FKBP1B: variants seen among roughly 807,000 people sequenced by gnomAD.
FKBP1B encodes the protein peptidyl-prolyl cis-trans isomerase FKBP1B.
In FKBP1B, 4 loss-of-function variants were observed where a neutral mutation model predicts 13.5. The ratio of observed to expected loss-of-function variants is 0.30; its 90% CI spans 0.15 to 0.68. The LOEUF (loss-of-function observed/expected upper bound fraction) is 0.68. Among genes scored for constraint, FKBP1B ranks in the 30% least tolerant of loss-of-function variants. The pLI is 0.76. For missense variants in FKBP1B, 93 were observed against 136.2 expected (o/e 0.68, Z 1.58); for synonymous variants, 54 against 53.6 (o/e 1.01, Z -0.03).
chr2:24,035,686 AGG>A, the FKBP1B span, among the ~76,000 whole-genome samples: 2 of 152,056 alleles, frequency 1.3e-5, no homozygotes, highest in African/African-American at 2.4e-5. Context: ...AGGCTGAAGC[AGG>A]AGGACTGCTT....
chr2:24,041,542 T>A, the FKBP1B span, among the ~76,000 whole-genome samples: 3 of 152,046 alleles, frequency 2.0e-5, no homozygotes. Context: ...TAGCCAGGCA[T>A]GGTGGCTCAT....
chr2:24,053,370 C>G (rs1012196625), intron 1 of FKBP1B, among the ~76,000 whole-genome samples: 16 of 149,250 alleles, frequency 1.1e-4, no homozygotes, highest in African/African-American at 4.0e-4. Flanking sequence ...CTCAAGTGAT[C>G]CTCCCACCTC....
rs1664360564 is a variant in FKBP1B at position 24,060,917 on chromosome 2, T to C, written c.189T>C (p.Gly63=). 1 of 1,613,370 alleles carries C rather than the reference T, an allele frequency of 6.2e-7. No homozygotes were observed. Among genetic ancestry groups the C allele is most frequent in the Non-Finnish European group, 8.5e-7 (1 of 1,179,434 alleles). The change falls in exon 3 of 4, where the codon GGT becomes GGC. Residue 63 remains glycine, a synonymous_variant. Transcript: ENST00000380986. ...KQEVIKGFEE[G]AAQMSLGQRA... ...AAGTCATCAAAGGTTTTGAAGAGGG[T>C]GCAGCCCAGGTAGGATGAGGATTCG...
Position 24,063,136 on chromosome 2 carries a change from G to T in FKBP1B, c.271G>T (p.Val91Phe). The T allele has an allele frequency of 6.2e-7, 1 of 1,613,380 alleles. No homozygotes were observed. The highest frequency in any genetic ancestry group is 8.5e-7 in the Non-Finnish European group (1 of 1,179,656). ...VAYGATGHPGVIPPNATLIFD... is the reference protein window; with the variant it reads ...VAYGATGHPGFIPPNATLIFD... ...ATATGGAGCCACGGGCCACCCCGGT[G>T]TCATCCCTCCCAATGCCACCCTCAT... Residue 91 changes from valine to phenylalanine, a missense_variant, in exon 4 of 4, where the codon GTC becomes TTC. Physicochemically the swap from Val to Phe is conservative, Grantham distance 50. Transcript: ENST00000380986.
chr2:24,039,627 A>C, the FKBP1B span: 1 of 835,892 alleles, frequency 1.2e-6, no homozygotes, highest in Admixed American at 2.8e-5. Context: ...GTGGAGAGAC[A>C]AAAGGACAGG....
chr2:24,048,072 C>A (rs1663689193), upstream of FKBP1B, among the ~76,000 whole-genome samples: 1 of 152,214 alleles, frequency 6.6e-6, no homozygotes, highest in African/African-American at 2.4e-5. Context: ...ACCCTTGGGG[C>A]TCATTCTGGA....
Position 24,063,567 on chromosome 2 carries a change from G to T in FKBP1B, c.*375G>T, listed in dbSNP as rs1664500380. The stretch of plus-strand genomic sequence containing the variant: ...TGTACATGGCGTACCGTACACAGAG[G>T]GACTTGAGCCAGTTACCTTTGCTGT... On this transcript the variant is annotated 3_prime_UTR_variant, in exon 4 of 4. Coordinates refer to ENST00000380986, the MANE Select transcript of FKBP1B (RefSeq NM_004116.5). The T allele has an allele frequency of 4.1e-6, 1 of 244,714 alleles. No homozygotes were observed. The highest frequency in any genetic ancestry group is 2.2e-5 in the African/African-American group (1 of 45,782). The allele number at this position is 244,714 out of a possible 1,614,324, so 15.2% of individuals were successfully genotyped here.
rs753865733 is a variant in FKBP1B at position 24,063,069 on chromosome 2, C to G, written c.204C>G (p.Ser68Arg). 1 of 1,614,204 alleles carries G rather than the reference C, an allele frequency of 6.2e-7. No individual in the cohort carries two copies. Among genetic ancestry groups the G allele is most frequent in the East Asian group, 2.2e-5 (1 of 44,882 alleles). Residue 68 changes from serine (S) to arginine (R), a missense_variant, in exon 4 of 4, where the codon AGC becomes AGG. Coordinates refer to ENST00000380986, the MANE Select transcript of FKBP1B (RefSeq NM_004116.5). ...TCTGCCCCCATCCCTGCTAGATGAG[C>G]TTGGGGCAGAGGGCGAAGCTGACCT... is the stretch of plus-strand genomic sequence containing the variant. The part of the protein sequence containing the change: ...KGFEEGAAQM[S>R]LGQRAKLTCT...
chr2:24,042,467 CAG>C, the FKBP1B span, among the ~76,000 whole-genome samples: 1 of 142,384 alleles, frequency 7.0e-6, no homozygotes, highest in Admixed American at 7.5e-5. Context: ...ACCCTGGAGG[CAG>C]AGGTTGCAGT....
chr2:24,058,576 G>A (rs1040654798), intron 2 of FKBP1B, among the ~76,000 whole-genome samples: 2 of 152,226 alleles, frequency 1.3e-5, no homozygotes, highest in Non-Finnish European at 2.9e-5. Flanking sequence ...ACTAAGGAAT[G>A]AGAAAGGAAA....
chr2:24,045,642 G>A (rs1260623292), upstream of FKBP1B, among the ~76,000 whole-genome samples: 1 of 138,190 alleles, frequency 7.2e-6, no homozygotes, highest in Non-Finnish European at 1.6e-5. Context: ...AGGAAGGAAG[G>A]AAGGAAGGAA....
intron 2 of FKBP1B, among the ~76,000 whole-genome samples, chr2:24,058,352 T>C (rs1664232795): frequency 6.6e-6 from 1 of 152,126 alleles, no homozygotes; most frequent in African/African-American, 2.4e-5. Context: ...GGGTTAAAGT[T>C]CATTTTTTCC....
chr2:24,055,390 G>T (rs571055833), intron 2 of FKBP1B, among the ~76,000 whole-genome samples: 1 of 151,592 alleles, frequency 6.6e-6, no homozygotes, highest in Admixed American at 6.6e-5. Flanking sequence ...TTAATTTTTT[G>T]TAGAGATGAG....
chr2:24,038,471 G>A, the FKBP1B span: 1 of 1,614,186 alleles, frequency 6.2e-7, no homozygotes, highest in African/African-American at 1.3e-5. Context: ...ATCAGATCAG[G>A]AACCAGAATG....
upstream of FKBP1B, among the ~76,000 whole-genome samples, chr2:24,045,207 G>C (rs974153678): frequency 2.6e-5 from 4 of 152,196 alleles, no homozygotes; most frequent in Non-Finnish European, 5.9e-5. Context: ...GATATCGATA[G>C]GATATAAGTA....
In FKBP1B at chr2:24,058,402, G is replaced by GAA. The variant is rs36065843; in HGVS notation, c.86-2404_86-2403dup. Among the ~76,000 whole-genome samples the GAA allele has an allele frequency of 1.2e-3, 178 of 151,004 alleles. 1 individual carries two copies. Among genetic ancestry groups the GAA allele is most frequent in the African/African-American group, 4.2e-3 (171 of 41,118 alleles). ...TGTTGACTCAACAACCTTAATGCAA[G>GAA]AAAAAAAAACCTTTATTTGCTGCAT... On this transcript the variant is annotated intron_variant, in intron 2 of 3. Coordinates refer to ENST00000380986, the MANE Select transcript of FKBP1B (RefSeq NM_004116.5).
the FKBP1B span, among the ~76,000 whole-genome samples, chr2:24,034,754 C>T: frequency 2.6e-5 from 4 of 151,682 alleles, no homozygotes; most frequent in South Asian, 2.1e-4. Flanking sequence ...TTGTATTTTT[C>T]GGTAGAGACA....
At chr2:24,058,899 G>T (rs1464552552) in intron 2 of FKBP1B, among the ~76,000 whole-genome samples, 1 of 152,216 alleles carries the variant, frequency 6.6e-6, no homozygotes, top group Non-Finnish European at 1.5e-5. Flanking sequence ...GCCTCAGTTA[G>T]TACCCAGGGC....
the FKBP1B span, among the ~76,000 whole-genome samples, chr2:24,042,319 C>T: frequency 6.6e-6 from 1 of 151,878 alleles, no homozygotes; most frequent in Admixed American, 6.6e-5. Context: ...AGGCGGATCA[C>T]GAGGTCAGGA....
Sources: allele counts gnomAD v4.1 joint callset (sites outside exome capture counted in the v4.1 genomes callset), GRCh38; gene constraint gnomAD v4.1.1; transcripts MANE v1.5; gene names NCBI Gene and HGNC (gene_info 2026-07-23, HGNC 2026-07-21).